FHOD3: variants seen among roughly 807,000 people sequenced by gnomAD.
The protein encoded by FHOD3 is FH1/FH2 domain-containing protein 3.
A neutral mutation model predicts 173.0 loss-of-function variants in FHOD3; 90 were observed. The observed-to-expected ratio is 0.52, with a 90% confidence interval of 0.44 to 0.62. The LOEUF is 0.62. FHOD3 is among the 20% of genes least tolerant of loss of function. The pLI is 0.00. For missense variants in FHOD3, 1,945 were observed against 2,034.7 expected (o/e 0.96, Z 0.85); for synonymous variants, 828 against 823.0 (o/e 1.01, Z -0.10).
intron 3 of FHOD3, among the ~76,000 whole-genome samples, chr18:36,489,030 G>A (rs2054330308): frequency 6.6e-6 from 1 of 152,176 alleles, no homozygotes; most frequent in South Asian, 2.1e-4. Context: ...TGGCTGCAGT[G>A]GGTGCCTCCA....
Position 36,730,801 on chromosome 18 carries a change from C to A in FHOD3, c.3573C>A (p.Ile1191=), listed in dbSNP as rs902976363. 1.2e-6 allele frequency: 2 copies of A among 1,613,600 alleles called. No homozygotes were observed. Among genetic ancestry groups the A allele is most frequent in the South Asian group, 2.2e-5 (2 of 90,876 alleles). The part of the protein sequence containing the change: ...FDEYALNKEG[I]EKILTMIPTD... The stretch of plus-strand genomic sequence containing the variant: ...AGTATGCCTTAAACAAAGAAGGAAT[C>A]GAGGTGAGGGAAGCTCTATTAAGCA... Residue 1191 remains isoleucine (I), a synonymous_variant, in exon 20 of 29, where the codon ATC becomes ATA. Coordinates refer to ENST00000590592, the MANE Select transcript of FHOD3 (RefSeq NM_001281740.3).
At chr18:36,385,557 T>C (rs2047989640) in intron 3 of FHOD3, among the ~76,000 whole-genome samples, 1 of 152,118 alleles carries the variant, frequency 6.6e-6, no homozygotes, top group African/African-American at 2.4e-5. Flanking sequence ...CCACCATGCC[T>C]GGCTAATTTT....
Position 36,752,254 on chromosome 18 carries a change from A to G in FHOD3, c.4233-2865A>G, listed in dbSNP as rs547113501. 5.3e-4 allele frequency among the ~76,000 whole-genome samples: 80 copies of G among 152,288 alleles called. 1 individual carries two copies. The highest frequency in any genetic ancestry group is 8.3e-4 in the South Asian group (4 of 4,814). ...TAAGATGAGATTTGGGTGGAGACAC[A>G]GCCAAACCATATCAAAAGCCTTCCT... On this transcript the variant is annotated intron_variant, in intron 24 of 28. Coordinates refer to ENST00000590592, the MANE Select transcript of FHOD3 (RefSeq NM_001281740.3).
At chr18:36,631,738 C>G (rs1291731271) in intron 10 of FHOD3, among the ~76,000 whole-genome samples, 3 of 152,194 alleles carry the variant, frequency 2.0e-5, no homozygotes, top group African/African-American at 7.2e-5. Context: ...TTTAGGTGGT[C>G]TAGCTCCAGA....
intron 1 of FHOD3, among the ~76,000 whole-genome samples, chr18:36,314,123 ATCAT>A (rs2092313555): frequency 6.6e-6 from 1 of 152,174 alleles, no homozygotes. Context: ...CACAAAAAAG[ATCAT>A]TCATTTAGAT....
In FHOD3 at chr18:36,652,831, C is replaced by A. The variant is rs974683789; in HGVS notation, c.1548C>A (p.Pro516=). 2.0e-5 allele frequency: 30 copies of A among 1,535,884 alleles called. No individual in the cohort carries two copies. The highest frequency in any genetic ancestry group is 2.5e-5 in the Non-Finnish European group (29 of 1,146,738). Residue 516 remains proline (P), a synonymous_variant, in exon 12 of 29, where the codon CCC becomes CCA. Transcript: ENST00000590592. Reference sequence around the variant, plus strand: ...TGTCACCGACCATAGACAAGCTGCCCTACGTGCCCCACAGCCCCTTCCACC... The same window carrying A: ...TGTCACCGACCATAGACAAGCTGCCATACGTGCCCCACAGCCCCTTCCACC... ...LKVSPTIDKL[P]YVPHSPFHLF... is the part of the protein sequence containing the mutation.
At chr18:36,315,328 A>G (rs1206485256) in intron 1 of FHOD3, among the ~76,000 whole-genome samples, 1 of 152,098 alleles carries the variant, frequency 6.6e-6, no homozygotes, top group African/African-American at 2.4e-5. Context: ...GTCTCTCTTC[A>G]TTTCCAGGCC....
At chr18:36,433,952 T>C (rs1342325463) in intron 3 of FHOD3, among the ~76,000 whole-genome samples, 1 of 152,186 alleles carries the variant, frequency 6.6e-6, no homozygotes, top group African/African-American at 2.4e-5. Context: ...GTTTAGAACA[T>C]GCTCATGTTT....
intron 3 of FHOD3, among the ~76,000 whole-genome samples, chr18:36,403,629 C>G (rs1012728129): frequency 6.6e-6 from 1 of 152,108 alleles, no homozygotes; most frequent in Admixed American, 6.5e-5. Context: ...TAAAAAAACA[C>G]AAAAACATAA....
chr18:36,348,312 T>A (rs1292921501), intron 1 of FHOD3, among the ~76,000 whole-genome samples: 2 of 152,158 alleles, frequency 1.3e-5, no homozygotes, highest in African/African-American at 4.8e-5. Context: ...AAATGGAACA[T>A]GCTGACTGCT....
chr18:36,671,582 T>G (rs1468021957), intron 14 of FHOD3, among the ~76,000 whole-genome samples: 1 of 152,220 alleles, frequency 6.6e-6, no homozygotes, highest in Admixed American at 6.5e-5. Context: ...AACTTTTACT[T>G]TATGGGAAAC....
At chr18:36,710,876 T>G (rs907840616) in intron 18 of FHOD3, 1 of 152,224 alleles carries the variant, frequency 6.6e-6, no homozygotes, top group Admixed American at 6.5e-5. Context: ...ATGTTTTATT[T>G]ATTAGGAATA....
intron 3 of FHOD3, among the ~76,000 whole-genome samples, chr18:36,402,563 G>C (rs1482165674): frequency 6.8e-6 from 1 of 147,796 alleles, no homozygotes; most frequent in Non-Finnish European, 1.5e-5. Context: ...ATACCCCAGA[G>C]AGGAAAAGGG....
chr18:36,717,507 C>G (rs558347831), intron 18 of FHOD3, among the ~76,000 whole-genome samples: 27 of 152,152 alleles, frequency 1.8e-4, no homozygotes, highest in African/African-American at 6.5e-4. Flanking sequence ...GGCAGAGGCT[C>G]CTTAGTTACC....
intron 14 of FHOD3, among the ~76,000 whole-genome samples, chr18:36,679,176 T>A (rs947556397): frequency 6.6e-6 from 1 of 152,118 alleles, no homozygotes; most frequent in Non-Finnish European, 1.5e-5. Context: ...AAATCATCCA[T>A]TTCTTTAATT....
At chr18:36,574,754 C>T (rs2058583946) in intron 5 of FHOD3, among the ~76,000 whole-genome samples, 1 of 151,868 alleles carries the variant, frequency 6.6e-6, no homozygotes, top group African/African-American at 2.4e-5. Context: ...GTTAAATAAT[C>T]CATGGGTTTA....
intron 1 of FHOD3, among the ~76,000 whole-genome samples, chr18:36,354,672 G>C (rs185985058): frequency 4.7e-4 from 71 of 152,218 alleles, no homozygotes; most frequent in African/African-American, 1.4e-3. Flanking sequence ...TAGGCATGGT[G>C]GTGGGTGCCT....
At chr18:36,639,539 T>C (rs2035142869) in intron 10 of FHOD3, among the ~76,000 whole-genome samples, 1 of 152,138 alleles carries the variant, frequency 6.6e-6, no homozygotes, top group Non-Finnish European at 1.5e-5. Flanking sequence ...GGCGGGTGCC[T>C]GTAGTCCCAC....
At chr18:36,576,332 A>G (rs2058647349) in intron 5 of FHOD3, 119 bp from the exon 6 acceptor site, 1 of 587,084 alleles carries the variant, frequency 1.7e-6, no homozygotes, top group Non-Finnish European at 2.8e-6. Context: ...TTCTCCTCAG[A>G]TTTGATTCTT....
Sources: allele counts gnomAD v4.1 joint callset (sites outside exome capture counted in the v4.1 genomes callset), GRCh38; gene constraint gnomAD v4.1.1; transcripts MANE v1.5; gene names NCBI Gene and HGNC (gene_info 2026-07-23, HGNC 2026-07-21).